ZNF691: variants seen among roughly 807,000 people sequenced by gnomAD.
ZNF691 encodes zinc finger protein 691.
Under a neutral mutation model 24.1 loss-of-function variants are expected in ZNF691, and 11 were observed. The observed-to-expected ratio is 0.46, with a 90% CI of 0.29 to 0.75. The LOEUF is 0.75. Among genes scored for constraint, ZNF691 ranks in the 30% least tolerant of loss-of-function variants. The pLI, the probability that ZNF691 is intolerant of heterozygous loss-of-function variation, is 0.11. For synonymous variants in ZNF691, 149 were observed against 153.9 expected (o/e 0.97, Z 0.23); for missense variants, 356 against 409.0 (o/e 0.87, Z 1.12).
intron 3 of ZNF691, chr1:42,850,638 G>T: frequency 6.5e-7 from 1 of 1,547,236 alleles, no homozygotes; most frequent in Non-Finnish European, 8.7e-7. Context: ...ATGAATTATA[G>T]TCTGGATTGT....
rs776559749 is a variant in ZNF691 at position 42,851,796 on chromosome 1, G to A, written c.931G>A (p.Gly311Arg). ...HQKTHLGEQA[G>R]KDSS Reference sequence around the variant, plus strand: ...GAAAACTCACTTGGGCGAACAGGCTGGGAAAGATTCCAGCTGAAGGAGAGC... The same window carrying A: ...GAAAACTCACTTGGGCGAACAGGCTAGGAAAGATTCCAGCTGAAGGAGAGC... Residue 311 changes from glycine to arginine, a missense_variant, in exon 4 of 4, where the codon GGG becomes AGG. Gly to Arg is a moderately radical substitution (Grantham distance 125). Coordinates refer to ENST00000651192, the MANE Select transcript of ZNF691 (RefSeq NM_001242739.2). This position sits in a 1 kb window ranked among gnomAD's most constrained non-coding sequence, Gnocchi z 4.7. The A allele has an allele frequency of 2.1e-5, 34 of 1,614,080 alleles. No homozygotes were observed. Among genetic ancestry groups the A allele is most frequent in the Non-Finnish European group, 2.3e-5 (27 of 1,179,926 alleles).
In ZNF691 at chr1:42,848,486, A is replaced by G. The variant is rs1435149905; in HGVS notation, c.-217-805A>G. Among the ~76,000 whole-genome samples the G allele has an allele frequency of 2.0e-5, 3 of 152,210 alleles. No homozygotes were observed. In the South Asian group the frequency reaches 6.2e-4, roughly 32 times the overall value. ...GCCAAGCACAAGATTCTGTGACTGC[A>G]TAAAGGAGAAAGTAGGCAGGAATCA... On this transcript the variant is annotated intron_variant, in intron 1 of 3. Coordinates refer to ENST00000651192, the MANE Select transcript of ZNF691 (RefSeq NM_001242739.2).
At position 42,851,359 on chromosome 1, in the gene ZNF691, A is replaced by G; in HGVS notation, c.494A>G (p.His165Arg). ...SSNRIRHERI[H>R]LEEKHYKCPK... ...AACCGCATCCGGCACGAGCGGATCC[A>G]CCTGGAAGAGAAACACTACAAATGC... Residue 165 changes from histidine (H) to arginine (R), a missense_variant, in exon 4 of 4, where the codon CAC becomes CGC. Coordinates refer to ENST00000651192, the MANE Select transcript of ZNF691 (RefSeq NM_001242739.2). The surrounding 1 kb of genome is among the most constrained non-coding windows in gnomAD (Gnocchi z 4.7). 6.2e-7 allele frequency: 1 copy of G among 1,614,128 alleles called. No homozygotes were observed. Among genetic ancestry groups the G allele is most frequent in the Non-Finnish European group, 8.5e-7 (1 of 1,180,028 alleles).
rs1037186285 is a variant in ZNF691 at position 42,852,120 on chromosome 1, C to T, written c.*307C>T. On this transcript the variant is annotated 3_prime_UTR_variant, in exon 4 of 4. Coordinates refer to ENST00000651192, the MANE Select transcript of ZNF691 (RefSeq NM_001242739.2). ...GAACATGCTCATGTTATTAAGGCAG[C>T]AGTCCCCCTGGCCTTTGAGGAAGTA... The T allele has an allele frequency of 6.2e-6, 3 of 484,264 alleles. No homozygotes were observed. Among genetic ancestry groups the T allele is most frequent in the African/African-American group, 3.9e-5 (2 of 50,752 alleles). The allele number at this position is 484,264 out of a possible 1,614,324, so 30.0% of individuals were successfully genotyped here. A position where few individuals can be genotyped will look rare whatever the true frequency, so the allele number is the denominator to read the frequency against.
At chr1:42,847,710 T>A (rs1214109492) in intron 1 of ZNF691, among the ~76,000 whole-genome samples, 1 of 152,238 alleles carries the variant, frequency 6.6e-6, no homozygotes, top group African/African-American at 2.4e-5. Context: ...TCTTCTCTCC[T>A]TTTTTCCTTC....
Position 42,852,133 on chromosome 1 carries a change from C to CT in ZNF691, c.*323dup, listed in dbSNP as rs1655416716. 1 of 449,678 alleles carries CT rather than the reference C, an allele frequency of 2.2e-6. No individual in the cohort carries two copies. The highest frequency in any genetic ancestry group is 2.0e-5 in the African/African-American group (1 of 49,618). 27.9% of individuals were successfully genotyped at this position (449,678 alleles called of 1,614,324 possible). A position where few individuals can be genotyped will look rare whatever the true frequency, so the allele number is the denominator to read the frequency against. ...TTATTAAGGCAGCAGTCCCCCTGGC[C>CT]TTTGAGGAAGTACTTATGAGATGGG... is the stretch of plus-strand genomic sequence containing the variant. On this transcript the variant is annotated 3_prime_UTR_variant, in exon 4 of 4. Transcript: ENST00000651192.
chr1:42,850,868 C>T lies in ZNF691; in HGVS notation c.85-82C>T, dbSNP rs938894675. ...GATGGTCCCATGGGGAAGGTGTATA[C>T]CCTTCAAACTGAACAAAAGATTCCC... On this transcript the variant is annotated intron_variant, in intron 3 of 3. Transcript: ENST00000651192. The T allele has an allele frequency of 5.1e-6, 8 of 1,557,160 alleles. No homozygotes were observed. In the African/African-American group the frequency reaches 5.5e-5, roughly 11 times the overall value.
Position 42,851,839 on chromosome 1 carries a change from A to G in ZNF691, c.*26A>G. 6.2e-7 allele frequency: 1 copy of G among 1,613,678 alleles called. No individual in the cohort carries two copies. ...AGGAGAGCCCCATTTAGAGTGAGGG[A>G]GAGAGAGTGAGAGACCCTAACCTAT... On this transcript the variant is annotated 3_prime_UTR_variant, in exon 4 of 4. Coordinates refer to ENST00000651192, the MANE Select transcript of ZNF691 (RefSeq NM_001242739.2). The surrounding 1 kb of genome is among the most constrained non-coding windows in gnomAD (Gnocchi z 4.7).
Position 42,849,622 on chromosome 1 carries a change from A to T in ZNF691, c.-37A>T. 1 of 1,415,250 alleles carries T rather than the reference A, an allele frequency of 7.1e-7. No individual in the cohort carries two copies. The highest frequency in any genetic ancestry group is 9.8e-7 in the Non-Finnish European group (1 of 1,023,262). 87.7% of individuals were successfully genotyped at this position (1,415,250 alleles called of 1,614,324 possible). On this transcript the variant is annotated 5_prime_UTR_variant, in exon 3 of 4. The change abolishes an upstream ATG in the 5' untranslated region. Coordinates refer to ENST00000651192, the MANE Select transcript of ZNF691 (RefSeq NM_001242739.2). ...TTTCATTTTCTATCATCAGTGTCCT[A>T]TGATAGTTTGTGCTTCCCTCCCTCA...
At position 42,851,984 on chromosome 1, in the gene ZNF691, T is replaced by C; in HGVS notation, c.*171T>C. 1 of 1,067,022 alleles carries C rather than the reference T, an allele frequency of 9.4e-7. No homozygotes were observed. Among genetic ancestry groups the C allele is most frequent in the Non-Finnish European group, 1.4e-6 (1 of 705,892 alleles). 66.1% of individuals were successfully genotyped at this position (1,067,022 alleles called of 1,614,324 possible). A position where few individuals can be genotyped will look rare whatever the true frequency, so the allele number is the denominator to read the frequency against. ...ATCTCAGGAAGTCCTGAGGAGGGAC[T>C]CTGGAATAAAAACCCTTGCCTCTTT... On this transcript the variant is annotated 3_prime_UTR_variant, in exon 4 of 4. Coordinates refer to ENST00000651192, the MANE Select transcript of ZNF691 (RefSeq NM_001242739.2). This position sits in a 1 kb window ranked among gnomAD's most constrained non-coding sequence, Gnocchi z 4.7.
Position 42,848,987 on chromosome 1 carries a change from T to C in ZNF691, c.-217-304T>C, listed in dbSNP as rs186116814. On this transcript the variant is annotated intron_variant, in intron 1 of 3. Coordinates refer to ENST00000651192, the MANE Select transcript of ZNF691 (RefSeq NM_001242739.2). ...AACCACAGCTCACCTCCTGTTGCTT[T>C]AAATAAAGTTTTATTAGAGCACAGC... is the stretch of plus-strand genomic sequence containing the variant. Among the ~76,000 whole-genome samples, 749 of 152,366 alleles carry C rather than the reference T, an allele frequency of 4.9e-3. 5 individuals carry two copies. The highest frequency in any genetic ancestry group is 7.5e-3 in the Non-Finnish European group (510 of 68,034).
intron 3 of ZNF691, chr1:42,850,424 A>C: frequency 2.0e-6 from 2 of 985,350 alleles, no homozygotes; most frequent in African/African-American, 1.7e-5. Context: ...AGAAATCTCA[A>C]GAAAAGCCAA....
In ZNF691 at chr1:42,849,294, C is replaced by G. The variant is rs868546359; in HGVS notation, c.-214C>G. ...CTTTTTCTTGTATTCTTCACAGGGC[C>G]TGGACGTAGTGTCTTCAACAGTTGT... On this transcript the variant is annotated 5_prime_UTR_variant, in exon 2 of 4. Coordinates refer to ENST00000651192, the MANE Select transcript of ZNF691 (RefSeq NM_001242739.2). 59 of 459,444 alleles carry G rather than the reference C, an allele frequency of 1.3e-4. 2 individuals are homozygous for G. The Middle Eastern group carries it at 0.015, about 118-fold the overall frequency. 28.5% of individuals were successfully genotyped at this position (459,444 alleles called of 1,614,324 possible). A position where few individuals can be genotyped will look rare whatever the true frequency, so the allele number is the denominator to read the frequency against.
Position 42,851,669 on chromosome 1 carries a change from CAA to C in ZNF691, c.805_806del (p.Asn269LeufsTer53). 6.2e-7 allele frequency: 1 copy of C among 1,614,194 alleles called. No individual in the cohort carries two copies. The highest frequency in any genetic ancestry group is 8.5e-7 in the Non-Finnish European group (1 of 1,180,036). ...GTGGGCGGACCTTCAGCGATATCTC[CAA>C]CTTTGGAGCACACCAGCGGACCCAC... ...ECGRTFSDIS[N>X]FGAHQRTHRG... On this transcript the variant is annotated frameshift_variant, in exon 4 of 4. Transcript: ENST00000651192. LOFTEE classifies it high-confidence loss of function. This position sits in a 1 kb window ranked among gnomAD's most constrained non-coding sequence, Gnocchi z 4.7.
In ZNF691 at chr1:42,851,625, C is replaced by T; in HGVS notation, c.760C>T (p.Pro254Ser). The T allele has an allele frequency of 6.2e-7, 1 of 1,614,176 alleles. No individual in the cohort carries two copies. Among genetic ancestry groups the T allele is most frequent in the Non-Finnish European group, 8.5e-7 (1 of 1,180,018 alleles). The change falls in exon 4 of 4, where the codon CCT becomes TCT. Residue 254 changes from proline (P) to serine (S), a missense_variant. By Grantham distance (74) the Pro-to-Ser change is moderately conservative (BLOSUM62 -1). Transcript: ENST00000651192. The surrounding 1 kb of genome is among the most constrained non-coding windows in gnomAD (Gnocchi z 4.7). ...VHHRTHTGER[P>S]YECTECGRTF... ...TCACCGCACCCACACAGGTGAGAGA[C>T]CTTATGAGTGCACTGAGTGTGGGCG...
chr1:42,852,066 T>C lies in ZNF691; in HGVS notation c.*253T>C, dbSNP rs982182700. On this transcript the variant is annotated 3_prime_UTR_variant, in exon 4 of 4. Transcript: ENST00000651192. Reference sequence around the variant, plus strand: ...AGACCCAGTCTTGGCTTTACTTTCTTGGGGTGAAAGAGAAATAGGGTAGGC... The same window carrying C: ...AGACCCAGTCTTGGCTTTACTTTCTCGGGGTGAAAGAGAAATAGGGTAGGC... The C allele has an allele frequency of 1.6e-6, 1 of 639,580 alleles. No individual in the cohort carries two copies. The highest frequency in any genetic ancestry group is 2.9e-6 in the Non-Finnish European group (1 of 347,764). 39.6% of individuals were successfully genotyped at this position (639,580 alleles called of 1,614,324 possible). A position where few individuals can be genotyped will look rare whatever the true frequency, so the allele number is the denominator to read the frequency against.
At chr1:42,850,361 C>T in intron 3 of ZNF691, 1 of 974,148 alleles carries the variant, frequency 1.0e-6, no homozygotes, top group South Asian at 4.7e-5. Context: ...CAGGTATTAA[C>T]CCAGATGTTT....
At chr1:42,848,028 C>T (rs528870289) in intron 1 of ZNF691, among the ~76,000 whole-genome samples, 5 of 152,306 alleles carry the variant, frequency 3.3e-5, no homozygotes, top group Admixed American at 2.6e-4. Flanking sequence ...CTGAACTTAA[C>T]CTTCTGCATT....
Position 42,851,362 on chromosome 1 carries a change from T to G in ZNF691, c.497T>G (p.Leu166Arg). The change falls in exon 4 of 4, where the codon CTG becomes CGG. Residue 166 changes from leucine (L) to arginine (R), a missense_variant. Coordinates refer to ENST00000651192, the MANE Select transcript of ZNF691 (RefSeq NM_001242739.2). The surrounding 1 kb of genome is among the most constrained non-coding windows in gnomAD (Gnocchi z 4.7). The stretch of plus-strand genomic sequence containing the variant: ...CGCATCCGGCACGAGCGGATCCACC[T>G]GGAAGAGAAACACTACAAATGCCCC... Reference protein sequence around the residue: ...SNRIRHERIHLEEKHYKCPKC... With the variant: ...SNRIRHERIHREEKHYKCPKC... The G allele has an allele frequency of 6.2e-7, 1 of 1,614,110 alleles. No individual in the cohort carries two copies. The highest frequency in any genetic ancestry group is 8.5e-7 in the Non-Finnish European group (1 of 1,180,036).
Sources: gnomAD v4.1 joint callset for allele counts (sites outside exome capture counted in the v4.1 genomes callset) on GRCh38, gnomAD v4.1.1 for gene constraint, Gnocchi (gnomAD v3.1) non-coding constraint, MANE v1.5 for transcripts, NCBI Gene and HGNC (gene_info 2026-07-23, HGNC 2026-07-21) for gene names.